Variants in ZNF420 observed in about 807,000 individuals in gnomAD.
ZNF420 encodes the protein ATM and p53-associated KZNF protein.
ZNF420 carries 31 observed loss-of-function variants against 44.7 expected under a neutral mutation model. The ratio of observed to expected loss-of-function variants is 0.69; its 90% confidence interval spans 0.52 to 0.94. The LOEUF is 0.94. Among genes scored for constraint, ZNF420 ranks in the 40% least tolerant of loss-of-function variants. The pLI is 0.00. For synonymous variants in ZNF420, 245 were observed against 267.4 expected, an observed-to-expected ratio of 0.92 and a Z score of 0.82; for missense variants, 681 against 827.9, an observed-to-expected ratio of 0.82 and a Z score of 2.18.
At chr19:37,090,224 G>T (rs540888319) in intron 3 of ZNF420, among the ~76,000 whole-genome samples, 2 of 152,182 alleles carry the variant, frequency 1.3e-5, no homozygotes, top group Non-Finnish European at 2.9e-5. Context: ...TGTGTAGCAG[G>T]CCAGGTGCAG....
At chr19:37,042,685 GTTT>G (rs750010085) in intron 1 of ZNF420, among the ~76,000 whole-genome samples, 1 of 152,122 alleles carries the variant, frequency 6.6e-6, no homozygotes, top group Non-Finnish European at 1.5e-5. Context: ...TTAGGGCTTT[GTTT>G]TTTTATTATG....
chr19:37,118,544 G>A (rs1479328880), intron 4 of ZNF420, among the ~76,000 whole-genome samples: 2 of 152,100 alleles, frequency 1.3e-5, no homozygotes, highest in Non-Finnish European at 2.9e-5. Flanking sequence ...ATCAAGGCTG[G>A]GAAGAAACTG....
At chr19:37,061,003 A>G (rs1967868915) in intron 1 of ZNF420, among the ~76,000 whole-genome samples, 1 of 152,038 alleles carries the variant, frequency 6.6e-6, no homozygotes, top group Admixed American at 6.5e-5. Flanking sequence ...GGCATTTCAA[A>G]TTGTGGCTTG....
intron 4 of ZNF420, among the ~76,000 whole-genome samples, chr19:37,122,318 A>G (rs1568475823): frequency 6.6e-6 from 1 of 152,140 alleles, no homozygotes; most frequent in African/African-American, 2.4e-5. Flanking sequence ...TTATAGGGAC[A>G]TGGATGAAAC....
intron 1 of ZNF420, among the ~76,000 whole-genome samples, chr19:37,046,600 G>A (rs889153761): frequency 5.3e-5 from 8 of 152,186 alleles, no homozygotes; most frequent in African/African-American, 1.9e-4. Flanking sequence ...CGCTGGGGCT[G>A]AAAGGTGTGA....
At chr19:37,120,801 A>G (rs1198180073) in intron 4 of ZNF420, among the ~76,000 whole-genome samples, 1 of 152,236 alleles carries the variant, frequency 6.6e-6, no homozygotes, top group Non-Finnish European at 1.5e-5. Context: ...TCAGTGTACA[A>G]AAATCAGCAG....
At chr19:37,124,912 C>T (rs987534786) in intron 4 of ZNF420, among the ~76,000 whole-genome samples, 1 of 152,196 alleles carries the variant, frequency 6.6e-6, no homozygotes, top group African/African-American at 2.4e-5. Context: ...TCTCGGCTCA[C>T]TGCAACCTCC....
At chr19:37,116,659 A>T (rs375587203) in intron 4 of ZNF420, among the ~76,000 whole-genome samples, 1 of 152,104 alleles carries the variant, frequency 6.6e-6, no homozygotes, top group African/African-American at 2.4e-5. Flanking sequence ...GCGAGGCATT[A>T]CCTCACTCAG....
At chr19:37,097,875 C>T (rs4806408) in intron 4 of ZNF420, among the ~76,000 whole-genome samples, 85,397 of 152,106 alleles carry the variant, frequency 0.56, 25,523 homozygotes, top group African/African-American at 0.76. Context: ...TTTTTCAATG[C>T]TGTTATACTA....
chr19:37,060,742 C>A (rs35524127), intron 1 of ZNF420, among the ~76,000 whole-genome samples: 1 of 151,684 alleles, frequency 6.6e-6, no homozygotes, highest in Admixed American at 6.6e-5. Flanking sequence ...GGTAGGCGAC[C>A]GTGACTGGCC....
intron 4 of ZNF420, chr19:37,092,013 A>T (rs1049485207): frequency 6.6e-6 from 1 of 152,028 alleles, no homozygotes; most frequent in Non-Finnish European, 1.5e-5. Context: ...TTGAGGGGGA[A>T]CCTGTGATTG....
At chr19:37,029,839 G>C (rs1377922144) in intron 1 of ZNF420, among the ~76,000 whole-genome samples, 1 of 151,328 alleles carries the variant, frequency 6.6e-6, no homozygotes. Context: ...AAGTTTTATT[G>C]TGTATATTTA....
At chr19:37,015,348 C>T (rs1158089331) in intron 1 of ZNF420, among the ~76,000 whole-genome samples, 1 of 152,144 alleles carries the variant, frequency 6.6e-6, no homozygotes, top group Admixed American at 6.5e-5. Flanking sequence ...TCCAAATCAT[C>T]TCCCCACCCC....
At chr19:37,012,595 C>A (rs1030588070) in intron 1 of ZNF420, among the ~76,000 whole-genome samples, 1 of 152,216 alleles carries the variant, frequency 6.6e-6, no homozygotes, top group Non-Finnish European at 1.5e-5. Context: ...GCCGGGACGG[C>A]GTTCGAGTGA....
At chr19:37,027,263 A>G (rs1283071241) in intron 1 of ZNF420, among the ~76,000 whole-genome samples, 1 of 152,196 alleles carries the variant, frequency 6.6e-6, no homozygotes, top group Non-Finnish European at 1.5e-5. Context: ...CAAAAGATAA[A>G]TAAATAATTG....
intron 1 of ZNF420, among the ~76,000 whole-genome samples, chr19:37,059,917 A>G (rs1211153650): frequency 2.7e-5 from 4 of 149,802 alleles, no homozygotes; most frequent in Non-Finnish European, 5.9e-5. Context: ...CTCTGTCTGT[A>G]TGTGTGTGTG....
intron 4 of ZNF420, among the ~76,000 whole-genome samples, chr19:37,094,856 G>A (rs1969346109): frequency 6.6e-6 from 1 of 152,182 alleles, no homozygotes; most frequent in Admixed American, 6.5e-5. Context: ...GTTAAGGCCA[G>A]GCGCGGTGGC....
intron 1 of ZNF420, among the ~76,000 whole-genome samples, chr19:37,043,084 C>T (rs1164572158): frequency 6.6e-6 from 1 of 152,098 alleles, no homozygotes; most frequent in Non-Finnish European, 1.5e-5. Flanking sequence ...ACAACAGTTA[C>T]CTCAAAGACC....
intron 1 of ZNF420, chr19:37,025,181 G>T (rs905527940): frequency 2.3e-6 from 1 of 428,868 alleles, no homozygotes; most frequent in Non-Finnish European, 3.7e-6. Flanking sequence ...GAAAGTTGGC[G>T]GCTAGTCCTA....
Sources: gnomAD v4.1 joint callset for allele counts (sites outside exome capture counted in the v4.1 genomes callset) on GRCh38, gnomAD v4.1.1 for gene constraint, MANE v1.5 for transcripts, NCBI Gene and HGNC (gene_info 2026-07-23, HGNC 2026-07-21) for gene names.